Variants in CBLB observed in about 807,000 individuals in gnomAD.
CBLB encodes E3 ubiquitin-protein ligase CBL-B.
Under a neutral mutation model 104.9 loss-of-function variants are expected in CBLB, and 31 were observed. That is an observed-to-expected ratio of 0.30 (90% CI 0.22 to 0.40). The LOEUF is 0.40. Ranked by LOEUF, CBLB falls within the 10% of genes least tolerant of loss-of-function variation. CBLB has a pLI of 1.00. For synonymous variants in CBLB, 440 were observed against 422.6 expected (o/e 1.04, Z -0.51); for missense variants, 1,062 against 1,214.6 (o/e 0.87, Z 1.87).
At chr3:105,711,005 C>T (rs571795494) in intron 10 of CBLB, among the ~76,000 whole-genome samples, 2 of 152,018 alleles carry the variant, frequency 1.3e-5, no homozygotes, top group African/African-American at 4.8e-5. Context: ...AGTCACTCTT[C>T]ATTTTATCCA....
chr3:105,760,082 T>A (rs2077473567), intron 4 of CBLB, among the ~76,000 whole-genome samples: 1 of 152,234 alleles, frequency 6.6e-6, no homozygotes. Flanking sequence ...TCTTTAGTAT[T>A]ATTTCTAATC....
intron 12 of CBLB, among the ~76,000 whole-genome samples, chr3:105,701,500 T>A (rs1259418477): frequency 6.6e-6 from 1 of 152,204 alleles, no homozygotes; most frequent in African/African-American, 2.4e-5. Context: ...CAGTGGCTCA[T>A]GCCTGTAATC....
At chr3:105,777,980 A>G (rs187420615) in intron 3 of CBLB, among the ~76,000 whole-genome samples, 4 of 152,232 alleles carry the variant, frequency 2.6e-5, no homozygotes, top group Non-Finnish European at 5.9e-5. Context: ...AGTTTCAAAC[A>G]AACTTTATTT....
intron 4 of CBLB, among the ~76,000 whole-genome samples, chr3:105,773,732 T>A (rs2079138062): frequency 6.6e-6 from 1 of 152,266 alleles, no homozygotes; most frequent in Non-Finnish European, 1.5e-5. Context: ...TAGACACATT[T>A]ATTCAATAAT....
rs34208930 is a variant in CBLB at position 105,702,476 on chromosome 3, GAAAAAAAAAAA to G, written c.1594-28_1594-18del. The G allele has an allele frequency of 1.6e-4, 44 of 279,634 alleles. No homozygotes were observed. The highest frequency in any genetic ancestry group is 1.1e-3 in the South Asian group (25 of 22,382). 17.3% of individuals were successfully genotyped at this position (279,634 alleles called of 1,614,324 possible). ...AGGAGAAGACTAAAGAAACAGAAGA[GAAAAAAAAAAA>G]AAAAAAAAAAAACTAAAGGTTGTAC... On this transcript the variant is annotated intron_variant, in intron 11 of 18. Coordinates refer to ENST00000394030, the MANE Select transcript of CBLB (RefSeq NM_170662.5).
At chr3:105,837,922 C>T (rs1408719683) in intron 3 of CBLB, among the ~76,000 whole-genome samples, 3 of 152,062 alleles carry the variant, frequency 2.0e-5, no homozygotes, top group East Asian at 3.9e-4. Flanking sequence ...CCCAGCAGCT[C>T]GTAATCTAGG....
chr3:105,851,618 AGAG>A (rs1029756862), intron 3 of CBLB, among the ~76,000 whole-genome samples: 3 of 152,214 alleles, frequency 2.0e-5, no homozygotes, highest in Admixed American at 6.5e-5. Flanking sequence ...CTGCTTGGGC[AGAG>A]GAGATTTATG....
At chr3:105,748,962 A>C (rs562753580) in intron 5 of CBLB, among the ~76,000 whole-genome samples, 29 of 152,282 alleles carry the variant, frequency 1.9e-4, no homozygotes, top group Non-Finnish European at 5.9e-5. Context: ...TTAACTACTA[A>C]TATCATGGCT....
chr3:105,838,079 TTTTC>T (rs1444418830), intron 3 of CBLB, among the ~76,000 whole-genome samples: 85 of 80,998 alleles, frequency 1.0e-3, no homozygotes, highest in African/African-American at 3.5e-3. Context: ...TTTTTCCTTT[TTTTC>T]TTTTTTTTTT....
At chr3:105,838,793 C>G (rs1414624063) in intron 3 of CBLB, among the ~76,000 whole-genome samples, 1 of 151,910 alleles carries the variant, frequency 6.6e-6, no homozygotes. Context: ...GCGCATGCCA[C>G]CACACCCAGC....
intron 10 of CBLB, among the ~76,000 whole-genome samples, chr3:105,704,613 T>C (rs1057416779): frequency 6.6e-6 from 1 of 152,162 alleles, no homozygotes; most frequent in African/African-American, 2.4e-5. Flanking sequence ...ATCTTGTATG[T>C]AGTCTATTTT....
intron 10 of CBLB, among the ~76,000 whole-genome samples, chr3:105,716,728 T>C (rs187051572): frequency 6.6e-5 from 10 of 151,674 alleles, no homozygotes; most frequent in Admixed American, 3.3e-4. Context: ...TTCTAAACTA[T>C]CTAACTCCCA....
intron 10 of CBLB, among the ~76,000 whole-genome samples, chr3:105,707,894 C>T (rs1347400372): frequency 6.6e-6 from 1 of 152,012 alleles, no homozygotes; most frequent in Admixed American, 6.6e-5. Flanking sequence ...TCAATGTAGA[C>T]CAAAATTATT....
chr3:105,766,622 T>A (rs563665260), intron 4 of CBLB, among the ~76,000 whole-genome samples: 1 of 151,632 alleles, frequency 6.6e-6, no homozygotes, highest in Non-Finnish European at 1.5e-5. Context: ...ATTGTTAGCA[T>A]TTTTTAGCAA....
chr3:105,768,360 C>T (rs1248787024), intron 4 of CBLB, among the ~76,000 whole-genome samples: 1 of 152,030 alleles, frequency 6.6e-6, no homozygotes, highest in Non-Finnish European at 1.5e-5. Context: ...ACATAGAAAC[C>T]TATAATTGCT....
chr3:105,667,544 C>T (rs958129594), intron 18 of CBLB, among the ~76,000 whole-genome samples: 7 of 151,920 alleles, frequency 4.6e-5, no homozygotes, highest in African/African-American at 9.7e-5. Context: ...ACCTATGATA[C>T]GTTCATATAT....
At chr3:105,840,297 A>C (rs565110388) in intron 3 of CBLB, among the ~76,000 whole-genome samples, 233 of 152,350 alleles carry the variant, frequency 1.5e-3, no homozygotes, top group Middle Eastern at 0.01. Flanking sequence ...CAGAGTGAGA[A>C]AGGAAGAGAT....
intron 10 of CBLB, among the ~76,000 whole-genome samples, chr3:105,704,696 AT>A (rs964993509): frequency 4.6e-5 from 7 of 150,996 alleles, no homozygotes; most frequent in South Asian, 2.1e-4. Flanking sequence ...ATTTAAGCCT[AT>A]TTTTTTTTCC....
chr3:105,689,433 G>A (rs1004644612), intron 13 of CBLB, among the ~76,000 whole-genome samples: 4 of 149,990 alleles, frequency 2.7e-5, no homozygotes, highest in Non-Finnish European at 5.9e-5. Flanking sequence ...ATGGCTATTT[G>A]AAAGCCTAAG....
Sources: allele counts gnomAD v4.1 joint callset (sites outside exome capture counted in the v4.1 genomes callset), GRCh38; gene constraint gnomAD v4.1.1; transcripts MANE v1.5; gene names NCBI Gene and HGNC (gene_info 2026-07-23, HGNC 2026-07-21).